The following GSTCD variants were observed in gnomAD, a reference collection of about 807,000 sequenced individuals.
GSTCD encodes the protein glutathione S-transferase C-terminal domain containing.
Under a neutral mutation model 68.3 loss-of-function variants are expected in GSTCD, and 44 were observed. The ratio of observed to expected loss-of-function variants is 0.64; its 90% CI spans 0.51 to 0.83. The LOEUF is 0.83. Among genes scored for constraint, GSTCD ranks in the 40% least tolerant of loss-of-function variants. GSTCD has a pLI of 0.00. For synonymous variants in GSTCD, 273 were observed against 255.2 expected, an observed-to-expected ratio of 1.07 and a Z score of -0.67; for missense variants, 739 against 735.9, an observed-to-expected ratio of 1.00 and a Z score of -0.05.
At chr4:105,721,433 G>A (rs2149206931) in intron 3 of GSTCD, among the ~76,000 whole-genome samples, 1 of 152,184 alleles carries the variant, frequency 6.6e-6, no homozygotes, top group African/African-American at 2.4e-5. Flanking sequence ...CGTAATCAAG[G>A]TCAAGTTACC....
At chr4:105,719,658 C>T in intron 3 of GSTCD, 131 bp downstream of exon 3, 1 of 674,556 alleles carries the variant, frequency 1.5e-6, no homozygotes, top group East Asian at 2.7e-5. Flanking sequence ...TCTCCATTTT[C>T]TTATCTGTAA....
intron 5 of GSTCD, among the ~76,000 whole-genome samples, chr4:105,781,378 C>A (rs544063678): frequency 6.6e-6 from 1 of 151,218 alleles, no homozygotes; most frequent in East Asian, 1.9e-4. Flanking sequence ...CCCCCAAGTA[C>A]TTAGGAATAC....
At chr4:105,744,470 A>G (rs1733736590) in intron 5 of GSTCD, among the ~76,000 whole-genome samples, 1 of 152,212 alleles carries the variant, frequency 6.6e-6, no homozygotes, top group South Asian at 2.1e-4. Flanking sequence ...TATATTTATT[A>G]GTTGCCACTC....
intron 5 of GSTCD, among the ~76,000 whole-genome samples, chr4:105,737,060 A>T (rs4699199): frequency 0.12 from 18,768 of 152,196 alleles, 1,690 homozygotes; most frequent in African/African-American, 0.25. Context: ...ATGTAAGGGC[A>T]GATATCTCTT....
intron 5 of GSTCD, among the ~76,000 whole-genome samples, chr4:105,770,522 A>G (rs1228236906): frequency 6.6e-6 from 1 of 151,780 alleles, no homozygotes; most frequent in African/African-American, 2.4e-5. Context: ...TCCCTCCTCT[A>G]TTCCCCCAAA....
chr4:105,759,293 C>T (rs1323854402), intron 5 of GSTCD, among the ~76,000 whole-genome samples: 3 of 152,000 alleles, frequency 2.0e-5, no homozygotes, highest in South Asian at 4.2e-4. Context: ...ATTGTGCTAA[C>T]GGAATTCCCA....
At chr4:105,735,457 C>T (rs58388061) in intron 5 of GSTCD, among the ~76,000 whole-genome samples, 27,409 of 152,168 alleles carry the variant, frequency 0.18, 4,294 homozygotes, top group African/African-American at 0.43. Flanking sequence ...GCTCCGTTGG[C>T]GTGGGACCAT....
At chr4:105,735,114 C>G (rs771190282) in intron 5 of GSTCD, among the ~76,000 whole-genome samples, 1 of 152,222 alleles carries the variant, frequency 6.6e-6, no homozygotes. Flanking sequence ...CCCAGTTAGG[C>G]TACTCGGGGG....
intron 5 of GSTCD, among the ~76,000 whole-genome samples, chr4:105,780,800 T>A (rs1735248007): frequency 6.6e-6 from 1 of 152,216 alleles, no homozygotes; most frequent in Admixed American, 6.5e-5. Flanking sequence ...TAGTATATAC[T>A]ATATCCCTAT....
At chr4:105,822,832 T>C (rs1027129575) in intron 5 of GSTCD, 122 bp from the exon 6 acceptor site, 1 of 626,024 alleles carries the variant, frequency 1.6e-6, no homozygotes, top group African/African-American at 1.8e-5. Flanking sequence ...TATATGTATG[T>C]ATGTATGTGT....
At chr4:105,719,857 G>A (rs1297680015) in intron 3 of GSTCD, among the ~76,000 whole-genome samples, 1 of 151,906 alleles carries the variant, frequency 6.6e-6, no homozygotes, top group Non-Finnish European at 1.5e-5. Flanking sequence ...TTTCTGTTGT[G>A]ATTACTTTCT....
At chr4:105,723,281 G>A (rs777162094) in intron 3 of GSTCD, among the ~76,000 whole-genome samples, 1 of 151,840 alleles carries the variant, frequency 6.6e-6, no homozygotes, top group Non-Finnish European at 1.5e-5. Flanking sequence ...ACCTTAGAGA[G>A]TATTTTTCAA....
chr4:105,832,414 T>TA (rs1481719210), intron 8 of GSTCD, among the ~76,000 whole-genome samples: 1 of 152,244 alleles, frequency 6.6e-6, no homozygotes, highest in East Asian at 1.9e-4. Flanking sequence ...ATTGTATAGT[T>TA]ATTCAAGTTA....
At chr4:105,845,361 C>A in intron 11 of GSTCD, 80 bp from the exon 12 acceptor site, 1 of 1,523,112 alleles carries the variant, frequency 6.6e-7, no homozygotes, top group South Asian at 1.2e-5. Flanking sequence ...GATTTTGTCA[C>A]TATATAGATT....
rs770331914 is a variant in GSTCD, at chr4:105,823,077, A to C, written c.1356+8A>C. On this transcript the variant is annotated splice_region_variant and intron_variant, in intron 6 of 11. Transcript: ENST00000515279. ...GATTTCTGCAGCGGTGGGGTATTTT[A>C]TCTCTCCTTTCATCCTTTTTAGTCT... The C allele has an allele frequency of 1.2e-6, 2 of 1,605,352 alleles. No individual in the cohort carries two copies. The highest frequency in any genetic ancestry group is 8.5e-7 in the Non-Finnish European group (1 of 1,172,236).
intron 5 of GSTCD, among the ~76,000 whole-genome samples, chr4:105,749,817 G>T (rs1304775871): frequency 6.6e-6 from 1 of 151,814 alleles, no homozygotes; most frequent in African/African-American, 2.4e-5. Context: ...TTGGTAAATG[G>T]GACTTCATCA....
At chr4:105,741,961 A>G (rs1229162801) in intron 5 of GSTCD, among the ~76,000 whole-genome samples, 1 of 152,190 alleles carries the variant, frequency 6.6e-6, no homozygotes, top group African/African-American at 2.4e-5. Context: ...ATGTAGGGGT[A>G]TGGAGGATCA....
At chr4:105,750,460 CAAAAAAA>C (rs1024094979) in intron 5 of GSTCD, among the ~76,000 whole-genome samples, 3 of 51,278 alleles carry the variant, frequency 5.9e-5, no homozygotes, top group East Asian at 6.2e-4. Context: ...AACTCCGTCT[CAAAAAAA>C]AAAAAAAAAA....
chr4:105,787,754 G>C (rs957683883), intron 5 of GSTCD, among the ~76,000 whole-genome samples: 3 of 151,974 alleles, frequency 2.0e-5, no homozygotes, highest in Non-Finnish European at 4.4e-5. Flanking sequence ...CAATAAAATA[G>C]AAATGTTTGA....
Sources: allele counts gnomAD v4.1 joint callset (sites outside exome capture counted in the v4.1 genomes callset), GRCh38; gene constraint gnomAD v4.1.1; transcripts MANE v1.5; gene names NCBI Gene and HGNC (gene_info 2026-07-23, HGNC 2026-07-21).